The following KANSL1 variants were observed in gnomAD, a reference collection of about 807,000 sequenced individuals.
KANSL1 encodes the protein KAT8 regulatory NSL complex subunit 1, also known as MLL1/MLL complex subunit KANSL1.
Under a neutral mutation model 103.6 loss-of-function variants are expected in KANSL1, and 22 were observed. That is an observed-to-expected ratio of 0.21 (90% CI 0.15 to 0.30). KANSL1 has a LOEUF of 0.30. Among genes scored for constraint, KANSL1 ranks in the 10% least tolerant of loss-of-function variants. KANSL1 has a pLI of 1.00. For missense variants in KANSL1, 1,337 were observed against 1,399.8 expected (o/e 0.96, Z 0.72); for synonymous variants, 600 against 527.6 (o/e 1.14, Z -1.88).
chr17:46,186,833 T>G (rs2047057676), intron 1 of KANSL1, among the ~76,000 whole-genome samples: 1 of 152,144 alleles, frequency 6.6e-6, no homozygotes, highest in African/African-American at 2.4e-5. Flanking sequence ...GTTCAAGCAA[T>G]TCTCCTGCCT....
intron 3 of KANSL1, chr17:46,093,819 G>A (rs1254544524): frequency 6.6e-6 from 1 of 152,190 alleles, no homozygotes; most frequent in Non-Finnish European, 1.5e-5. Context: ...AAAATACTTT[G>A]CAAGAATGTA....
intron 1 of KANSL1, among the ~76,000 whole-genome samples, chr17:46,189,906 C>CAAAAAAAAAAAAAAAAAAAAAAAA: frequency 8.9e-6 from 1 of 112,478 alleles, no homozygotes; most frequent in Non-Finnish European, 1.8e-5. Flanking sequence ...GACCCTGCCT[C>CAAAAAAAAAAAAAAAAAAAAAAAA]AAAAAAAAAA....
At position 46,170,906 on chromosome 17, in the gene KANSL1, A is replaced by T; in HGVS notation, c.1238T>A (p.Ile413Asn). ...TDSSSGGESDIEEEELTRADP... is the reference protein window; with the variant it reads ...TDSSSGGESDNEEEELTRADP... The stretch of plus-strand genomic sequence containing the variant: ...AGCTCTGGTCAGTTCTTCCTCTTCA[A>T]TATCAGACTCCCCTCCTGAACTACT... Residue 413 changes from isoleucine to asparagine, a missense_variant, in exon 2 of 15, where the codon ATT becomes AAT. Physicochemically the swap from Ile to Asn is moderately radical, Grantham distance 149. Transcript: ENST00000432791. 6.2e-7 allele frequency: 1 copy of T among 1,613,994 alleles called. No individual in the cohort carries two copies. The highest frequency in any genetic ancestry group is 8.5e-7 in the Non-Finnish European group (1 of 1,179,982).
intron 2 of KANSL1, among the ~76,000 whole-genome samples, chr17:46,138,397 T>C (rs959499255): frequency 6.6e-6 from 1 of 152,240 alleles, no homozygotes; most frequent in African/African-American, 2.4e-5. Context: ...ACTATTTACA[T>C]AGCATTTACA....
At chr17:46,173,736 T>C (rs1415350823) in intron 1 of KANSL1, among the ~76,000 whole-genome samples, 2 of 152,262 alleles carry the variant, frequency 1.3e-5, no homozygotes, top group African/African-American at 4.8e-5. Flanking sequence ...GTCATTATAC[T>C]CTCCACTCAG....
intron 7 of KANSL1, among the ~76,000 whole-genome samples, chr17:46,047,681 G>A (rs2077559924): frequency 6.6e-6 from 1 of 151,924 alleles, no homozygotes; most frequent in Non-Finnish European, 1.5e-5. Flanking sequence ...CAGATACTTA[G>A]GAGGCTGAAG....
chr17:46,099,731 C>A (rs62061807), intron 2 of KANSL1, among the ~76,000 whole-genome samples: 1 of 152,082 alleles, frequency 6.6e-6, no homozygotes, highest in Non-Finnish European at 1.5e-5. Context: ...TTGATTTTAC[C>A]GTGTGCTTTA....
At chr17:46,099,307 G>C (rs1306955178) in intron 2 of KANSL1, among the ~76,000 whole-genome samples, 2 of 106,114 alleles carry the variant, frequency 1.9e-5, no homozygotes, top group Admixed American at 1.1e-4. Flanking sequence ...CTGGGCCACA[G>C]AGCGAGACTC....
chr17:46,031,906 G>A (rs1001625448), intron 14 of KANSL1, 141 bp downstream of exon 14: 18 of 1,233,216 alleles, frequency 1.5e-5, no homozygotes, highest in African/African-American at 8.9e-5. Context: ...TCCACTGAAC[G>A]TTGAGGAGAT....
intron 2 of KANSL1, among the ~76,000 whole-genome samples, chr17:46,103,148 C>T (rs1046828599): frequency 1.3e-5 from 2 of 152,242 alleles, no homozygotes; most frequent in African/African-American, 4.8e-5. Flanking sequence ...CCAGGTCACA[C>T]AGAACCTGGC....
At chr17:46,185,736 G>GACACACAC in intron 1 of KANSL1, among the ~76,000 whole-genome samples, 1 of 110,942 alleles carries the variant, frequency 9.0e-6, no homozygotes, top group South Asian at 3.5e-4. Flanking sequence ...CACACACACG[G>GACACACAC]ATAGGCTAGG....
chr17:46,172,052 G>A lies in KANSL1; in HGVS notation c.92C>T (p.Pro31Leu), dbSNP rs754355381. ...KLAPPSSTLS[P>L]GSAENNGNAN... ...GTTGCCGTTATTTTCGGCACTGCCA[G>A]GGGACAAGGTAGAGGATGGGGGAGC... The change falls in exon 2 of 15, where the codon CCT becomes CTT. Residue 31 changes from proline (P) to leucine (L), a missense_variant. Pro to Leu is a moderately conservative substitution (Grantham distance 98). This residue lies in a region of KANSL1 where 557 missense variants were observed against 476.4 expected (regional missense o/e 1.17). Transcript: ENST00000432791. 10 of 1,614,080 alleles carry A rather than the reference G, an allele frequency of 6.2e-6. No individual in the cohort carries two copies. The highest frequency in any genetic ancestry group is 1.3e-5 in the African/African-American group (1 of 74,952).
chr17:46,202,630 A>C (rs1181725815), intron 1 of KANSL1, among the ~76,000 whole-genome samples: 1 of 152,242 alleles, frequency 6.6e-6, no homozygotes, highest in Non-Finnish European at 1.5e-5. Context: ...AATATTATAA[A>C]AGAGACCATA....
At chr17:46,062,975 G>A (rs2316953) in intron 6 of KANSL1, among the ~76,000 whole-genome samples, 21,811 of 152,146 alleles carry the variant, frequency 0.14, 2,136 homozygotes, top group Middle Eastern at 0.22. Context: ...GCTTGAACCC[G>A]GGAGGAGGAG....
intron 2 of KANSL1, among the ~76,000 whole-genome samples, chr17:46,124,021 CTT>C (rs2043401530): frequency 6.6e-6 from 1 of 152,220 alleles, no homozygotes; most frequent in Admixed American, 6.5e-5. Context: ...GACAGCCTCT[CTT>C]GTTAGGAGCT....
At chr17:46,052,075 T>C (rs1348544261) in intron 6 of KANSL1, among the ~76,000 whole-genome samples, 2 of 152,160 alleles carry the variant, frequency 1.3e-5, no homozygotes, top group African/African-American at 4.8e-5. Context: ...GCTGGCTTTC[T>C]GGAGAGGATG....
intron 4 of KANSL1, among the ~76,000 whole-genome samples, chr17:46,081,134 G>C (rs2078974878): frequency 6.6e-6 from 1 of 152,162 alleles, no homozygotes; most frequent in Non-Finnish European, 1.5e-5. Flanking sequence ...ATGGAGGACT[G>C]TTATGCCCTG....
At chr17:46,089,419 C>A (rs1376487478) in intron 3 of KANSL1, among the ~76,000 whole-genome samples, 1 of 148,312 alleles carries the variant, frequency 6.7e-6, no homozygotes, top group African/African-American at 2.5e-5. Flanking sequence ...TTTGGTAATA[C>A]GCCACTTAAA....
chr17:46,166,099 C>T (rs551436071), intron 2 of KANSL1, among the ~76,000 whole-genome samples: 105 of 151,494 alleles, frequency 6.9e-4, no homozygotes, highest in African/African-American at 2.4e-3. Flanking sequence ...GTAATCCCAG[C>T]TTACTCAGGA....
Sources: allele counts gnomAD v4.1 joint callset (sites outside exome capture counted in the v4.1 genomes callset), GRCh38; gene constraint gnomAD v4.1.1; regional missense constraint gnomAD v4.1.1; transcripts MANE v1.5; gene names NCBI Gene and HGNC (gene_info 2026-07-23, HGNC 2026-07-21).